CPS1: variants seen among roughly 807,000 people sequenced by gnomAD.
CPS1 encodes the protein carbamoyl-phosphate synthase [ammonia], mitochondrial.
CPS1 carries 109 observed loss-of-function variants against 174.6 expected under a neutral mutation model. That is an observed-to-expected ratio of 0.62 (90% confidence interval 0.53 to 0.73). CPS1 has a LOEUF of 0.73. Ranked by LOEUF, CPS1 falls within the 30% of genes least tolerant of loss-of-function variation. CPS1 has a pLI of 0.00. For synonymous variants in CPS1, 637 were observed against 632.0 expected, an observed-to-expected ratio of 1.01 and a Z score of -0.12; for missense variants, 1,689 against 1,821.9, an observed-to-expected ratio of 0.93 and a Z score of 1.33.
intron 1 of CPS1, among the ~76,000 whole-genome samples, chr2:210,520,328 A>G (rs1695787769): frequency 6.6e-6 from 1 of 151,980 alleles, no homozygotes. Context: ...TTAAGTTCTG[A>G]GATACATGTG....
chr2:210,638,104 A>G (rs114110379), intron 22 of CPS1, among the ~76,000 whole-genome samples: 1,732 of 152,336 alleles, frequency 0.011, 44 homozygotes, highest in African/African-American at 0.04. Flanking sequence ...GAACAAAACA[A>G]AACAAAAATT....
chr2:210,667,716 A>T (rs1701146415), intron 33 of CPS1, among the ~76,000 whole-genome samples: 1 of 152,202 alleles, frequency 6.6e-6, no homozygotes, highest in African/African-American at 2.4e-5. Flanking sequence ...AAACCAATTC[A>T]GCAGTTACGC....
chr2:210,650,707 C>T (rs1700533358), intron 28 of CPS1, among the ~76,000 whole-genome samples: 1 of 152,078 alleles, frequency 6.6e-6, no homozygotes, highest in Non-Finnish European at 1.5e-5. Flanking sequence ...TTTATCAAAA[C>T]AGATTTTAGA....
intron 34 of CPS1, among the ~76,000 whole-genome samples, chr2:210,669,658 C>T (rs960240458): frequency 6.6e-6 from 1 of 152,090 alleles, no homozygotes; most frequent in African/African-American, 2.4e-5. Context: ...AGAGCAGAGG[C>T]TAACAAGATG....
intron 21 of CPS1, among the ~76,000 whole-genome samples, chr2:210,631,966 T>C (rs1245159039): frequency 6.6e-6 from 1 of 152,216 alleles, no homozygotes; most frequent in Non-Finnish European, 1.5e-5. Flanking sequence ...TGATCACATT[T>C]CTAGCTGGGC....
chr2:210,492,376 A>G (rs769287248), intron 1 of CPS1, among the ~76,000 whole-genome samples: 6 of 152,208 alleles, frequency 3.9e-5, no homozygotes, highest in Non-Finnish European at 5.9e-5. Flanking sequence ...TAGGTACTGG[A>G]TAATTTTTCT....
chr2:210,570,040 A>G (rs1697425130), intron 1 of CPS1, among the ~76,000 whole-genome samples: 2 of 151,946 alleles, frequency 1.3e-5, no homozygotes, highest in African/African-American at 4.8e-5. Context: ...TAGTTAGAAG[A>G]AAGGATTCCA....
intron 21 of CPS1, chr2:210,619,979 A>T (rs1419343022): frequency 6.6e-6 from 1 of 151,994 alleles, no homozygotes; most frequent in Admixed American, 6.6e-5. Context: ...AAAATACCTA[A>T]TGTAGATGAC....
chr2:210,630,748 G>T (rs1002379918), intron 21 of CPS1, among the ~76,000 whole-genome samples: 3 of 152,104 alleles, frequency 2.0e-5, no homozygotes, highest in African/African-American at 7.2e-5. Context: ...TTTGAAAATT[G>T]TCTTTTGCAT....
Position 210,599,535 on chromosome 2 carries a change from T to C in CPS1, c.1523T>C (p.Met508Thr), listed in dbSNP as rs1304270133. ...AEQPDGLILG[M>T]GGQTALNCGV... ...CAGCCAGATGGGTTAATTCTGGGCA[T>C]GGGTGGCCAGACAGCTCTGAACTGT... Residue 508 changes from methionine to threonine, a missense_variant, in exon 14 of 38, where the codon ATG (methionine) becomes ACG (threonine). Physicochemically the swap from Met to Thr is moderately conservative, Grantham distance 81 (BLOSUM62 -1). Coordinates refer to ENST00000233072, the MANE Select transcript of CPS1 (RefSeq NM_001875.5). 5.0e-6 allele frequency: 8 copies of C among 1,612,302 alleles called. No homozygotes were observed. Among genetic ancestry groups the C allele is most frequent in the Non-Finnish European group, 6.8e-6 (8 of 1,178,946 alleles).
chr2:210,498,548 C>A (rs1351738728), intron 1 of CPS1, among the ~76,000 whole-genome samples: 1 of 152,024 alleles, frequency 6.6e-6, no homozygotes, highest in African/African-American at 2.4e-5. Flanking sequence ...GTTCCAGGAG[C>A]CTTTTGGTGG....
At chr2:210,514,091 T>C (rs1290677718) in intron 1 of CPS1, among the ~76,000 whole-genome samples, 1 of 152,098 alleles carries the variant, frequency 6.6e-6, no homozygotes. Flanking sequence ...TGTAGCTTTA[T>C]AGTATAGTTT....
chr2:210,518,656 C>T (rs1695743043), intron 1 of CPS1, among the ~76,000 whole-genome samples: 1 of 151,994 alleles, frequency 6.6e-6, no homozygotes, highest in Non-Finnish European at 1.5e-5. Context: ...CATAGCTGCC[C>T]AACTGCTGTA....
chr2:210,596,629 T>A (rs1025567603), intron 13 of CPS1, among the ~76,000 whole-genome samples: 6 of 151,922 alleles, frequency 3.9e-5, no homozygotes, highest in African/African-American at 9.7e-5. Context: ...TGGAATAAAT[T>A]TTCAAAACGA....
intron 1 of CPS1, among the ~76,000 whole-genome samples, chr2:210,495,396 G>T (rs1330184255): frequency 6.6e-6 from 1 of 152,074 alleles, no homozygotes; most frequent in African/African-American, 2.4e-5. Context: ...GAGCCTAAGG[G>T]ATGCCACAAA....
At chr2:210,607,574 T>A (rs113396642) in intron 18 of CPS1, among the ~76,000 whole-genome samples, 35 of 151,962 alleles carry the variant, frequency 2.3e-4, no homozygotes, top group African/African-American at 8.2e-4. Flanking sequence ...TTCTTTATAT[T>A]TTTTTTACGT....
intron 1 of CPS1, among the ~76,000 whole-genome samples, chr2:210,559,305 T>C (rs1697023225): frequency 6.6e-6 from 1 of 152,064 alleles, no homozygotes; most frequent in Non-Finnish European, 1.5e-5. Flanking sequence ...TCTATAATCA[T>C]TGCCCTGTAA....
At chr2:210,623,156 C>T (rs1699585357) in intron 21 of CPS1, among the ~76,000 whole-genome samples, 1 of 152,054 alleles carries the variant, frequency 6.6e-6, no homozygotes, top group African/African-American at 2.4e-5. Flanking sequence ...AATTTTCCTT[C>T]AATGGTCCAT....
intron 11 of CPS1, 70 bp downstream of exon 11, chr2:210,593,026 C>A: frequency 3.9e-6 from 5 of 1,277,634 alleles, no homozygotes; most frequent in Non-Finnish European, 5.7e-6. Context: ...TTCGAGAAAC[C>A]AAAATAATCA....
Sources: gnomAD v4.1 joint callset for allele counts (sites outside exome capture counted in the v4.1 genomes callset) on GRCh38, gnomAD v4.1.1 for gene constraint, MANE v1.5 for transcripts, NCBI Gene and HGNC (gene_info 2026-07-23, HGNC 2026-07-21) for gene names.